Variants in PRRX2 observed in about 807,000 individuals in gnomAD.
PRRX2 encodes the protein paired related homeobox 2.
Under a neutral mutation model 18.0 loss-of-function variants are expected in PRRX2, and 11 were observed. The observed-to-expected ratio is 0.61, with a 90% CI of 0.39 to 1.01. PRRX2 has a LOEUF of 1.01. Ranked by LOEUF, PRRX2 falls within the 50% of genes least tolerant of loss-of-function variation. PRRX2 has a pLI of 0.01. For synonymous variants in PRRX2, 177 were observed against 154.8 expected, an observed-to-expected ratio of 1.14 and a Z score of -1.06; for missense variants, 387 against 351.0, an observed-to-expected ratio of 1.10 and a Z score of -0.82.
intron 1 of PRRX2, among the ~76,000 whole-genome samples, chr9:129,687,524 C>G (rs1198029356): frequency 2.0e-5 from 3 of 152,246 alleles, no homozygotes; most frequent in Admixed American, 6.5e-5. Flanking sequence ...ACTAACTCAA[C>G]TTGCTTGCGC....
intron 1 of PRRX2, among the ~76,000 whole-genome samples, chr9:129,679,188 C>T (rs1832197581): frequency 6.6e-6 from 1 of 152,166 alleles, no homozygotes; most frequent in African/African-American, 2.4e-5. Flanking sequence ...GCTGTGTGTC[C>T]CAAGTGCATG....
rs1412113272 is a variant in PRRX2 at position 129,722,205 on chromosome 9, T to C, written c.627-12T>C. 6.2e-7 allele frequency: 1 copy of C among 1,611,478 alleles called. No individual in the cohort carries two copies. Among genetic ancestry groups the C allele is most frequent in the African/African-American group, 1.3e-5 (1 of 74,846 alleles). On this transcript the variant is annotated splice_polypyrimidine_tract_variant and intron_variant, in intron 3 of 3. Coordinates refer to ENST00000372469, the MANE Select transcript of PRRX2 (RefSeq NM_016307.4). ...CCGCACCCATGTGACCTGTGTCTCA[T>C]GTCGCCCCCAGCACAGTGCCACCCT...
chr9:129,667,712 G>A (rs1464276013), intron 1 of PRRX2, among the ~76,000 whole-genome samples: 1 of 152,182 alleles, frequency 6.6e-6, no homozygotes, highest in Non-Finnish European at 1.5e-5. Context: ...GACAGCCAGG[G>A]AAGGCCGTGC....
intron 1 of PRRX2, among the ~76,000 whole-genome samples, chr9:129,688,511 C>T (rs184607053): frequency 5.3e-5 from 8 of 152,266 alleles, no homozygotes; most frequent in East Asian, 1.9e-4. Flanking sequence ...TTCCCTACCC[C>T]GCAAACACGC....
Position 129,722,277 on chromosome 9 carries a change from C to CA in PRRX2, c.689dup (p.Asn230LysfsTer111). 1 of 1,614,060 alleles carries CA rather than the reference C, an allele frequency of 6.2e-7. No homozygotes were observed. The highest frequency in any genetic ancestry group is 8.5e-7 in the Non-Finnish European group (1 of 1,180,014). On this transcript the variant is annotated frameshift_variant, in exon 4 of 4. Transcript: ENST00000372469. LOFTEE classifies it high-confidence loss of function. The stretch of plus-strand genomic sequence containing the variant: ...CCGCAACCCCAGGGGTCAACATGGC[C>CA]AACAGCATCGCCAGCCTCCGTCTCA...
Position 129,665,840 on chromosome 9 carries a change from GCCGGCCCCC to G in PRRX2, c.-23_-15del. 2 of 1,028,798 alleles carry G rather than the reference GCCGGCCCCC, an allele frequency of 1.9e-6. No individual in the cohort carries two copies. The highest frequency in any genetic ancestry group is 2.3e-6 in the Non-Finnish European group (2 of 860,446). The allele number at this position is 1,028,798 out of a possible 1,614,324, so 63.7% of individuals were successfully genotyped here. ...CCTGGGACCCGAGCCCGAGACCCCC[GCCGGCCCCC>G]CCGGGGCCGCTCGCGGGCATGGACA... On this transcript the variant is annotated 5_prime_UTR_variant, in exon 1 of 4. Coordinates refer to ENST00000372469, the MANE Select transcript of PRRX2 (RefSeq NM_016307.4). The surrounding 1 kb of genome is among the most constrained non-coding windows in gnomAD (Gnocchi z 5.3).
In PRRX2 at chr9:129,722,518, C is replaced by A; in HGVS notation, c.*166C>A. On this transcript the variant is annotated 3_prime_UTR_variant, in exon 4 of 4. Transcript: ENST00000372469. ...TTGAGGCCCCTGCAGCCGGGCCCAG[C>A]TCTTCTGTCCTTGGCCACCAGAGAC... is the stretch of plus-strand genomic sequence containing the variant. The A allele has an allele frequency of 1.4e-6, 1 of 703,462 alleles. No homozygotes were observed. The highest frequency in any genetic ancestry group is 2.0e-6 in the Non-Finnish European group (1 of 506,148). 43.6% of individuals were successfully genotyped at this position (703,462 alleles called of 1,614,324 possible). A position where few individuals can be genotyped will look rare whatever the true frequency, so the allele number is the denominator to read the frequency against.
At chr9:129,669,037 C>G (rs1832065516) in intron 1 of PRRX2, among the ~76,000 whole-genome samples, 2 of 149,872 alleles carry the variant, frequency 1.3e-5, no homozygotes, top group South Asian at 4.2e-4. Context: ...ATCCCAGCTA[C>G]TCGGGAGGCT....
intron 1 of PRRX2, among the ~76,000 whole-genome samples, chr9:129,666,612 C>G (rs887438760): frequency 6.9e-6 from 1 of 145,416 alleles, no homozygotes; most frequent in Non-Finnish European, 1.5e-5. Flanking sequence ...GCAGCTGCCT[C>G]GGTGGAACGG....
chr9:129,681,733 G>A (rs896040695), intron 1 of PRRX2, among the ~76,000 whole-genome samples: 2 of 149,876 alleles, frequency 1.3e-5, no homozygotes, highest in African/African-American at 4.9e-5. Flanking sequence ...AAAGTGAATA[G>A]TGGATCTGAG....
chr9:129,697,802 C>G (rs1035848958), intron 1 of PRRX2, among the ~76,000 whole-genome samples: 6 of 152,120 alleles, frequency 3.9e-5, no homozygotes, highest in African/African-American at 1.4e-4. Context: ...GTCTCCACCC[C>G]ACAAAGGGCT....
chr9:129,689,190 CTG>C (rs1316120559), intron 1 of PRRX2, among the ~76,000 whole-genome samples: 1 of 152,192 alleles, frequency 6.6e-6, no homozygotes, highest in Non-Finnish European at 1.5e-5. Flanking sequence ...AAGCTCTTCT[CTG>C]AGCTCCCAGA....
rs190489440 is a variant in PRRX2, at chr9:129,671,967, G to A, written c.259+5841G>A. 1.1e-4 allele frequency among the ~76,000 whole-genome samples: 16 copies of A among 152,282 alleles called. No homozygotes were observed. Among genetic ancestry groups the A allele is most frequent in the Non-Finnish European group, 2.9e-5 (2 of 68,018 alleles). On this transcript the variant is annotated intron_variant, in intron 1 of 3. Coordinates refer to ENST00000372469, the MANE Select transcript of PRRX2 (RefSeq NM_016307.4). This position sits in a 1 kb window ranked among gnomAD's most constrained non-coding sequence, Gnocchi z 4.0. ...TGGGAGGGGAGGGGCAGCACGGAAC[G>A]GGCTCTGTGCCTATGTTAGGCGTTT...
Position 129,720,734 on chromosome 9 carries a change from A to T in PRRX2, c.586A>T (p.Ser196Cys). 6.2e-7 allele frequency: 1 copy of T among 1,611,116 alleles called. No individual in the cohort carries two copies. Among genetic ancestry groups the T allele is most frequent in the South Asian group, 1.1e-5 (1 of 90,700 alleles). ...CGTGGCTCCCCGGCCCACCGCCCTG[A>T]GTCCAGATTATCTCTCCTGGACAGC... ...QPVAPRPTALSPDYLSWTASS... is the reference protein window; with the variant it reads ...QPVAPRPTALCPDYLSWTASS... The change falls in exon 3 of 4, where the codon AGT becomes TGT. Residue 196 changes from serine to cysteine, a missense_variant. Physicochemically the swap from Ser to Cys is moderately radical, Grantham distance 112. Transcript: ENST00000372469.
chr9:129,703,735 G>A (rs528817919), intron 1 of PRRX2, among the ~76,000 whole-genome samples: 8 of 152,322 alleles, frequency 5.3e-5, no homozygotes, highest in East Asian at 1.9e-4. Flanking sequence ...CCCATGCTGC[G>A]GTGAGGGGCG....
At chr9:129,673,652 C>CCACACACACACA (rs3054761) in intron 1 of PRRX2, among the ~76,000 whole-genome samples, 7 of 149,328 alleles carry the variant, frequency 4.7e-5, no homozygotes, top group Non-Finnish European at 1.0e-4. Context: ...ACCCCCCATG[C>CCACACACACACA]CACACACACA....
intron 2 of PRRX2, among the ~76,000 whole-genome samples, chr9:129,719,714 C>CAGTG (rs1422992697): frequency 6.6e-6 from 1 of 152,230 alleles, no homozygotes; most frequent in Non-Finnish European, 1.5e-5. Context: ...CGGCCAGGCA[C>CAGTG]AGTGGCTTAT....
chr9:129,665,909 G>A lies in PRRX2; in HGVS notation c.42G>A (p.Ala14=), dbSNP rs1191030441. The stretch of plus-strand genomic sequence containing the variant: ...CCGCCTTCGCCCTGGACAAGCCGGC[G>A]CTGGGCCCGGGGCCGCCGCCGCCTC... ...AAAAFALDKP[A]LGPGPPPPPP... The change falls in exon 1 of 4, where the codon GCG becomes GCA. Residue 14 remains alanine (A), a synonymous_variant. Coordinates refer to ENST00000372469, the MANE Select transcript of PRRX2 (RefSeq NM_016307.4). The surrounding 1 kb of genome is among the most constrained non-coding windows in gnomAD (Gnocchi z 5.3). 3 of 1,111,388 alleles carry A rather than the reference G, an allele frequency of 2.7e-6. No homozygotes were observed. The highest frequency in any genetic ancestry group is 2.2e-6 in the Non-Finnish European group (2 of 913,074). 68.8% of individuals were successfully genotyped at this position (1,111,388 alleles called of 1,614,324 possible).
At chr9:129,678,006 C>T (rs1832182944) in intron 1 of PRRX2, among the ~76,000 whole-genome samples, 1 of 145,042 alleles carries the variant, frequency 6.9e-6, no homozygotes, top group South Asian at 2.2e-4. Flanking sequence ...CTCTGTCGCC[C>T]AGGCTGGAGT....
Sources: allele counts gnomAD v4.1 joint callset (sites outside exome capture counted in the v4.1 genomes callset), GRCh38; gene constraint gnomAD v4.1.1; non-coding constraint Gnocchi (gnomAD v3.1); transcripts MANE v1.5; gene names NCBI Gene and HGNC (gene_info 2026-07-23, HGNC 2026-07-21).